Variants in ST8SIA4 observed in about 807,000 individuals in gnomAD.
ST8SIA4 encodes the protein ST8 alpha-N-acetyl-neuraminide alpha-2,8-sialyltransferase 4, also known as CMP-N-acetylneuraminate-poly-alpha-2,8-sialyltransferase.
ST8SIA4 carries 15 observed loss-of-function variants against 33.9 expected under a neutral mutation model. The observed-to-expected ratio is 0.44, with a 90% CI of 0.30 to 0.68. The LOEUF (loss-of-function observed/expected upper bound fraction) is 0.68. ST8SIA4 is among the 30% of genes least tolerant of loss of function. ST8SIA4 has a pLI of 0.10. For missense variants in ST8SIA4, 321 were observed against 428.0 expected (o/e 0.75, Z 2.21); for synonymous variants, 171 against 151.2 (o/e 1.13, Z -0.96).
chr5:100,848,061 A>C (rs115369874), intron 4 of ST8SIA4, among the ~76,000 whole-genome samples: 2,547 of 152,148 alleles, frequency 0.017, 28 homozygotes, highest in Admixed American at 0.025. Context: ...TAGTCACTTA[A>C]AGTAATAATG....
intron 2 of ST8SIA4, among the ~76,000 whole-genome samples, chr5:100,888,890 T>C (rs1327100634): frequency 6.6e-6 from 1 of 151,888 alleles, no homozygotes; most frequent in Non-Finnish European, 1.5e-5. Flanking sequence ...GTTGAAAAAA[T>C]AATGTTATGA....
chr5:100,843,062 A>AG (rs1751501434), intron 4 of ST8SIA4, among the ~76,000 whole-genome samples: 1 of 151,918 alleles, frequency 6.6e-6, no homozygotes, highest in African/African-American at 2.4e-5. Context: ...AGCTCCTATT[A>AG]TAAAGGCCAA....
chr5:100,900,449 C>T (rs886893794), intron 1 of ST8SIA4: 2 of 455,202 alleles, frequency 4.4e-6, no homozygotes, highest in Non-Finnish European at 8.8e-6. Flanking sequence ...TGAGTCAACT[C>T]CTCCACCAGA....
intron 3 of ST8SIA4, among the ~76,000 whole-genome samples, chr5:100,862,400 A>G (rs932542795): frequency 3.9e-5 from 6 of 151,918 alleles, no homozygotes; most frequent in Non-Finnish European, 5.9e-5. Flanking sequence ...TTATTTCTTT[A>G]TTTCTTTATT....
intron 3 of ST8SIA4, 146 bp from the exon 4 acceptor site, chr5:100,856,542 C>T (rs746887204): frequency 6.4e-6 from 5 of 776,492 alleles, no homozygotes; most frequent in Non-Finnish European, 8.2e-6. Context: ...GGTAAGATTA[C>T]ATTTTCAATA....
chr5:100,869,966 T>C (rs1752160478), intron 3 of ST8SIA4, among the ~76,000 whole-genome samples: 1 of 152,178 alleles, frequency 6.6e-6, no homozygotes, highest in South Asian at 2.1e-4. Flanking sequence ...TCATTTACAT[T>C]AGGTATATCT....
rs1319801322 is a variant in ST8SIA4, at chr5:100,811,215, AGAACTTTAAAAAT to A, written c.*619_*631del. The A allele has an allele frequency of 6.6e-6, 1 of 152,534 alleles. No homozygotes were observed. Among genetic ancestry groups the A allele is most frequent in the East Asian group, 1.9e-4 (1 of 5,192 alleles). The allele number at this position is 152,534 out of a possible 1,614,324, so 9.4% of individuals were successfully genotyped here. Reference sequence around the variant, plus strand: ...TGTGTGATAGCTTTTAAAAAGTATAAGAACTTTAAAAATAATTACTTAAAGTTTATTTCCTCAC... The same window carrying A: ...TGTGTGATAGCTTTTAAAAAGTATAAAATTACTTAAAGTTTATTTCCTCAC... On this transcript the variant is annotated 3_prime_UTR_variant, in exon 5 of 5. Coordinates refer to ENST00000231461, the MANE Select transcript of ST8SIA4 (RefSeq NM_005668.6).
rs1252172253 is a variant in ST8SIA4, at chr5:100,807,505, G to T, written c.*4342C>A. ...GTGCTACTTAAATGAGAAACACAAG[G>T]CCTGGAGCCACAATCTGAAAACTGT... On this transcript the variant is annotated 3_prime_UTR_variant, in exon 5 of 5. Transcript: ENST00000231461. 1 of 152,386 alleles carries T rather than the reference G, an allele frequency of 6.6e-6. No individual in the cohort carries two copies. Among genetic ancestry groups the T allele is most frequent in the Non-Finnish European group, 1.5e-5 (1 of 67,926 alleles). 9.4% of individuals were successfully genotyped at this position (152,386 alleles called of 1,614,324 possible).
At chr5:100,883,611 C>T (rs548913400) in intron 3 of ST8SIA4, among the ~76,000 whole-genome samples, 1 of 152,214 alleles carries the variant, frequency 6.6e-6, no homozygotes, top group South Asian at 2.1e-4. Context: ...AATCTCGTCT[C>T]AAATTGTACT....
chr5:100,823,379 GCT>G (rs915010226), intron 4 of ST8SIA4, among the ~76,000 whole-genome samples: 3 of 152,162 alleles, frequency 2.0e-5, no homozygotes, highest in African/African-American at 7.2e-5. Flanking sequence ...CCTTGGGGCT[GCT>G]CTGTCTATGA....
chr5:100,887,258 G>A (rs1227792167), intron 2 of ST8SIA4, among the ~76,000 whole-genome samples: 1 of 152,032 alleles, frequency 6.6e-6, no homozygotes, highest in Non-Finnish European at 1.5e-5. Context: ...TGTGGCAGAG[G>A]TAGCTAATTG....
intron 3 of ST8SIA4, among the ~76,000 whole-genome samples, chr5:100,859,452 T>C (rs902338600): frequency 6.6e-6 from 1 of 152,112 alleles, no homozygotes; most frequent in African/African-American, 2.4e-5. Flanking sequence ...TAAATATTTG[T>C]GCCCATTTTA....
At chr5:100,844,186 C>T (rs1277699051) in intron 4 of ST8SIA4, among the ~76,000 whole-genome samples, 1 of 151,926 alleles carries the variant, frequency 6.6e-6, no homozygotes. Flanking sequence ...CCACAGGTGA[C>T]AGCCCCAGCA....
chr5:100,853,985 A>ATGTGTGTG (rs55821438), intron 4 of ST8SIA4, among the ~76,000 whole-genome samples: 2,236 of 76,936 alleles, frequency 0.029, 26 homozygotes, highest in African/African-American at 0.062. Flanking sequence ...GTGTGTGTGT[A>ATGTGTGTG]TGTGTGTGTG....
Position 100,903,278 on chromosome 5 carries a change from G to A in ST8SIA4, c.-323C>T, listed in dbSNP as rs1752968800. ...GCAGCTTCTGCAGCTGGGTTCGGGG[G>A]CGTCACTGGCCCTTCCCTCTTGCTA... On this transcript the variant is annotated 5_prime_UTR_variant, in exon 1 of 5. Transcript: ENST00000231461. 1 of 341,154 alleles carries A rather than the reference G, an allele frequency of 2.9e-6. No individual in the cohort carries two copies. The highest frequency in any genetic ancestry group is 7.2e-5 in the East Asian group (1 of 13,958). The allele number at this position is 341,154 out of a possible 1,614,324, so 21.1% of individuals were successfully genotyped here.
Position 100,856,007 on chromosome 5 carries a change from G to C in ST8SIA4, c.797+96C>G, listed in dbSNP as rs527747748. On this transcript the variant is annotated intron_variant, in intron 4 of 4. Transcript: ENST00000231461. The stretch of plus-strand genomic sequence containing the variant: ...AAATAACGGAAACATATATCCATTT[G>C]GAGATTTTACTGAAGCTTATTCTTG... The C allele has an allele frequency of 3.9e-5, 44 of 1,120,246 alleles. No individual in the cohort carries two copies. The South Asian group carries it at 6.5e-4, about 17-fold the overall frequency. 69.4% of individuals were successfully genotyped at this position (1,120,246 alleles called of 1,614,324 possible). A position where few individuals can be genotyped will look rare whatever the true frequency, so the allele number is the denominator to read the frequency against.
chr5:100,852,976 C>A (rs183985711), intron 4 of ST8SIA4, among the ~76,000 whole-genome samples: 1 of 152,270 alleles, frequency 6.6e-6, no homozygotes, highest in Non-Finnish European at 1.5e-5. Context: ...TGATTATACA[C>A]ACCCTAAATT....
intron 2 of ST8SIA4, among the ~76,000 whole-genome samples, chr5:100,887,034 T>C (rs933872122): frequency 1.2e-4 from 18 of 152,076 alleles, no homozygotes; most frequent in African/African-American, 4.3e-4. Context: ...AATTTGAGAT[T>C]GTTTTTGATT....
Position 100,823,022 on chromosome 5 carries a change from T to G in ST8SIA4, c.798-10893A>C, listed in dbSNP as rs530452055. Among the ~76,000 whole-genome samples, 38 of 151,944 alleles carry G rather than the reference T, an allele frequency of 2.5e-4. No individual in the cohort carries two copies. In the East Asian group the frequency reaches 7.2e-3, roughly 29 times the overall value. On this transcript the variant is annotated intron_variant, in intron 4 of 4. Transcript: ENST00000231461. The stretch of plus-strand genomic sequence containing the variant: ...GGCGGGCGCCTGTAGTCCCAGCTAC[T>G]CGGGGGGCTGAGGGGGGAGAATGGT...
Sources: gnomAD v4.1 joint callset for allele counts (sites outside exome capture counted in the v4.1 genomes callset) on GRCh38, gnomAD v4.1.1 for gene constraint, MANE v1.5 for transcripts, NCBI Gene and HGNC (gene_info 2026-07-23, HGNC 2026-07-21) for gene names.